HPGDS: variants seen among roughly 807,000 people sequenced by gnomAD.
HPGDS encodes the protein hematopoietic prostaglandin D synthase.
HPGDS carries 26 observed loss-of-function variants against 23.1 expected under a neutral mutation model. The ratio of observed to expected loss-of-function variants is 1.13; its 90% confidence interval spans 0.83 to 1.56. HPGDS has a LOEUF of 1.56. HPGDS is among the 40% of genes most tolerant of loss of function. The pLI is 0.00. For missense variants in HPGDS, 268 were observed against 236.4 expected (o/e 1.13, Z -0.88); for synonymous variants, 95 against 77.9 (o/e 1.22, Z -1.16).
chr4:94,312,712 T>G lies in HPGDS; in HGVS notation c.227-3969A>C, dbSNP rs182626602. On this transcript the variant is annotated intron_variant, in intron 3 of 5. Transcript: ENST00000295256. ...ATATCCTTGTTAACTTTCTGTCTCATTGATCTGTCTAATGTTGACAGTGGG... is the reference window on the plus strand; with the variant it reads ...ATATCCTTGTTAACTTTCTGTCTCAGTGATCTGTCTAATGTTGACAGTGGG... 5.5e-3 allele frequency among the ~76,000 whole-genome samples: 840 copies of G among 152,280 alleles called. 4 individuals carry two copies. Among genetic ancestry groups the G allele is most frequent in the African/African-American group, 0.019 (785 of 41,548 alleles).
chr4:94,334,644 A>G lies in HPGDS; in HGVS notation c.-9-6T>C, dbSNP rs775536950. On this transcript the variant is annotated splice_region_variant and splice_polypyrimidine_tract_variant and intron_variant, in intron 1 of 5. Coordinates refer to ENST00000295256, the MANE Select transcript of HPGDS (RefSeq NM_014485.3). ...TAGTTTGGCATGGTGCAATTCTGGA[A>G]AAAGAAAAAGGGAGGGATTATTTTA... The G allele has an allele frequency of 3.7e-6, 6 of 1,605,604 alleles. No homozygotes were observed. In the South Asian group the frequency reaches 6.8e-5, roughly 18 times the overall value.
intron 3 of HPGDS, among the ~76,000 whole-genome samples, chr4:94,313,892 C>A (rs1260783447): frequency 5.9e-5 from 9 of 152,140 alleles, no homozygotes; most frequent in Admixed American, 5.9e-4. Context: ...TTCTTTTGAT[C>A]TTCCATCACT....
intron 2 of HPGDS, among the ~76,000 whole-genome samples, chr4:94,319,720 T>C (rs28851318): frequency 0.15 from 22,311 of 152,172 alleles, 1,880 homozygotes; most frequent in Non-Finnish European, 0.19. Flanking sequence ...CTATTGGTGA[T>C]ACATTTCCTC....
chr4:94,308,588 A>T lies in HPGDS; in HGVS notation c.336+46T>A, dbSNP rs748501977. 2.0e-5 allele frequency: 19 copies of T among 930,298 alleles called. 1 individual carries two copies. The highest frequency in any genetic ancestry group is 1.9e-4 in the South Asian group (13 of 68,816). 57.6% of individuals were successfully genotyped at this position (930,298 alleles called of 1,614,324 possible). On this transcript the variant is annotated intron_variant, in intron 4 of 5. Coordinates refer to ENST00000295256, the MANE Select transcript of HPGDS (RefSeq NM_014485.3). ...TAAGGCACCTAACACAATGTCTGGC[A>T]GGTGGTATATAATTAATACTAGGAA...
intron 2 of HPGDS, among the ~76,000 whole-genome samples, chr4:94,330,073 A>G (rs975594525): frequency 1.3e-5 from 2 of 152,254 alleles, no homozygotes. Context: ...GCAGATGTAC[A>G]GTAACAGGAA....
chr4:94,301,847 G>C (rs1756046764), intron 5 of HPGDS, among the ~76,000 whole-genome samples: 1 of 152,042 alleles, frequency 6.6e-6, no homozygotes, highest in South Asian at 2.1e-4. Flanking sequence ...TTCTCTAGTA[G>C]AGTACATATG....
At chr4:94,335,922 C>G (rs950342492) in intron 1 of HPGDS, among the ~76,000 whole-genome samples, 1 of 152,058 alleles carries the variant, frequency 6.6e-6, no homozygotes, top group African/African-American at 2.4e-5. Context: ...AATCACATCA[C>G]AGACCAGGCA....
At chr4:94,300,725 GAAAA>G (rs373133686) in intron 5 of HPGDS, among the ~76,000 whole-genome samples, 2 of 147,078 alleles carry the variant, frequency 1.4e-5, no homozygotes, top group African/African-American at 5.0e-5. Context: ...TAGGGGTTAG[GAAAA>G]AAAAAAAGTG....
At chr4:94,308,499 A>T (rs1166981087) in intron 4 of HPGDS, 135 bp downstream of exon 4, 1 of 503,174 alleles carries the variant, frequency 2.0e-6, no homozygotes, top group Non-Finnish European at 3.5e-6. Context: ...CTTTATTTTA[A>T]ACTTTTAAAA....
intron 2 of HPGDS, among the ~76,000 whole-genome samples, chr4:94,332,518 C>G (rs1756752663): frequency 1.3e-5 from 2 of 152,200 alleles, no homozygotes; most frequent in Admixed American, 1.3e-4. Context: ...TCAGGGGTCG[C>G]AGGCACCCCA....
chr4:94,304,400 T>C (rs1756103261), intron 4 of HPGDS, among the ~76,000 whole-genome samples: 1 of 152,110 alleles, frequency 6.6e-6, no homozygotes, highest in Admixed American at 6.6e-5. Context: ...TCCAAAGGCA[T>C]CTTTTGCTTT....
intron 2 of HPGDS, among the ~76,000 whole-genome samples, chr4:94,326,990 G>A (rs1325832674): frequency 6.6e-6 from 1 of 152,126 alleles, no homozygotes; most frequent in Non-Finnish European, 1.5e-5. Flanking sequence ...AGTGGTGTCT[G>A]TGAGTTTCTC....
intron 2 of HPGDS, among the ~76,000 whole-genome samples, chr4:94,320,112 T>C (rs1756473817): frequency 6.6e-6 from 1 of 152,214 alleles, no homozygotes; most frequent in South Asian, 2.1e-4. Flanking sequence ...TATGGCTGCA[T>C]AGTATTCCAT....
At chr4:94,329,548 A>G (rs760287471) in intron 2 of HPGDS, among the ~76,000 whole-genome samples, 1 of 152,246 alleles carries the variant, frequency 6.6e-6, no homozygotes, top group African/African-American at 2.4e-5. Context: ...ACTATCAAAT[A>G]GAAGAAAAAT....
intron 2 of HPGDS, among the ~76,000 whole-genome samples, chr4:94,321,266 G>A (rs1220920053): frequency 6.6e-6 from 1 of 152,084 alleles, no homozygotes; most frequent in Non-Finnish European, 1.5e-5. Context: ...GGTTCCATAT[G>A]AACTTTAAAG....
intron 2 of HPGDS, among the ~76,000 whole-genome samples, chr4:94,328,359 C>A (rs978741447): frequency 6.6e-6 from 1 of 152,160 alleles, no homozygotes; most frequent in African/African-American, 2.4e-5. Context: ...AATTTTGAAG[C>A]CCCACTTCAT....
intron 3 of HPGDS, among the ~76,000 whole-genome samples, chr4:94,317,621 A>G (rs952318408): frequency 1.3e-5 from 2 of 152,148 alleles, no homozygotes. Flanking sequence ...GCTAAACTCC[A>G]AAAAGGGCTT....
At chr4:94,340,309 C>CTTTTTTTTTTTTTT (rs1560597992) in intron 1 of HPGDS, among the ~76,000 whole-genome samples, 1 of 28,764 alleles carries the variant, frequency 3.5e-5, no homozygotes, top group East Asian at 1.2e-3. Context: ...TTCTTTCTTT[C>CTTTTTTTTTTTTTT]TCTTTTTTTT....
At chr4:94,338,360 G>A (rs565447025) in intron 1 of HPGDS, among the ~76,000 whole-genome samples, 1 of 151,384 alleles carries the variant, frequency 6.6e-6, no homozygotes, top group East Asian at 1.9e-4. Context: ...GGGAGGCAGA[G>A]GTTGCAGTGA....
Sources: allele counts gnomAD v4.1 joint callset (sites outside exome capture counted in the v4.1 genomes callset), GRCh38; gene constraint gnomAD v4.1.1; transcripts MANE v1.5; gene names NCBI Gene and HGNC (gene_info 2026-07-23, HGNC 2026-07-21).